The following CLEC9A variants were observed in gnomAD, a reference collection of about 807,000 sequenced individuals.
CLEC9A encodes C-type lectin domain family 9 member A.
CLEC9A carries 24 observed loss-of-function variants against 30.0 expected under a neutral mutation model. The observed-to-expected ratio is 0.80, with a 90% CI of 0.58 to 1.13. CLEC9A has a LOEUF of 1.13. CLEC9A is among the 50% of genes most tolerant of loss of function. The probability of loss-of-function intolerance (pLI) is 0.00; values close to 1 mark genes in which losing one functional copy is unlikely to be tolerated. For missense variants in CLEC9A, 251 were observed against 280.9 expected (o/e 0.89, Z 0.76); for synonymous variants, 111 against 96.8 (o/e 1.15, Z -0.86).
chr12:10,033,393 C>T (rs1865716813), intron 1 of CLEC9A, among the ~76,000 whole-genome samples: 2 of 151,918 alleles, frequency 1.3e-5, no homozygotes. Flanking sequence ...TGATAATGTC[C>T]AAAATTATAT....
chr12:10,040,583 G>T (rs750728835), intron 1 of CLEC9A, among the ~76,000 whole-genome samples: 8 of 150,986 alleles, frequency 5.3e-5, no homozygotes, highest in East Asian at 2.0e-4. Context: ...CCCGAGTAGC[G>T]GGGACTACAG....
chr12:10,064,783 G>A lies in CLEC9A; in HGVS notation c.523G>A (p.Val175Met), dbSNP rs752754958. The A allele has an allele frequency of 1.9e-6, 3 of 1,613,572 alleles. No individual in the cohort carries two copies. Among genetic ancestry groups the A allele is most frequent in the East Asian group, 4.5e-5 (2 of 44,854 alleles). The change falls in exon 8 of 9, where the codon GTG becomes ATG. Residue 175 changes from valine (V) to methionine (M), a missense_variant. By Grantham distance (21) the Val-to-Met change is conservative. Transcript: ENST00000355819. The stretch of plus-strand genomic sequence containing the variant: ...GATTAAAGGAAGCTATGATTACTGG[G>A]TGGGGTTGTCTCAGGATGGACACAG... ...RKIKGSYDYW[V>M]GLSQDGHSGR...
intron 2 of CLEC9A, among the ~76,000 whole-genome samples, chr12:10,043,480 A>G (rs1236992226): frequency 1.3e-5 from 2 of 152,040 alleles, no homozygotes; most frequent in African/African-American, 4.8e-5. Context: ...ACTTCAAACA[A>G]GAGAGCACTG....
intron 2 of CLEC9A, among the ~76,000 whole-genome samples, chr12:10,050,182 G>T (rs769923673): frequency 2.0e-5 from 3 of 151,926 alleles, no homozygotes; most frequent in African/African-American, 4.8e-5. Flanking sequence ...ATCTTATATG[G>T]GTATATAGTT....
At chr12:10,043,458 C>T (rs1865815161) in intron 2 of CLEC9A, 1 of 153,884 alleles carries the variant, frequency 6.5e-6, no homozygotes, top group South Asian at 2.0e-4. Context: ...GCAGCTGAGT[C>T]ACTTACTCCC....
chr12:10,049,896 A>C (rs1283008332), intron 2 of CLEC9A, among the ~76,000 whole-genome samples: 1 of 152,202 alleles, frequency 6.6e-6, no homozygotes, highest in Non-Finnish European at 1.5e-5. Context: ...TGTTTTACAT[A>C]ATAAGCCTAG....
rs557604722 is a variant in CLEC9A at position 10,049,686 on chromosome 12, GAA to G, written c.-162-2302_-162-2301del. Among the ~76,000 whole-genome samples, 535 of 152,250 alleles carry G rather than the reference GAA, an allele frequency of 3.5e-3. 8 individuals carry two copies. The highest frequency in any genetic ancestry group is 0.012 in the African/African-American group (505 of 41,540). ...TACCTCTCTCACTCATCACAGAATT[GAA>G]AAGAGTTAGGGCTTTGCTCTGAATT... On this transcript the variant is annotated intron_variant, in intron 2 of 8. Transcript: ENST00000355819.
intron 4 of CLEC9A, 110 bp from the exon 5 acceptor site, chr12:10,054,161 T>G (rs1040131356): frequency 1.2e-6 from 1 of 865,308 alleles, no homozygotes; most frequent in African/African-American, 1.7e-5. Flanking sequence ...CAACTCTCAG[T>G]AGAAATGCCA....
chr12:10,043,636 G>C (rs958385618), intron 2 of CLEC9A, among the ~76,000 whole-genome samples: 53 of 149,496 alleles, frequency 3.5e-4, no homozygotes, highest in African/African-American at 1.2e-3. Flanking sequence ...GTGTGTGTGT[G>C]TCTTTAAATT....
chr12:10,034,630 C>G (rs760087464), intron 1 of CLEC9A, among the ~76,000 whole-genome samples: 2 of 152,170 alleles, frequency 1.3e-5, no homozygotes, highest in Non-Finnish European at 2.9e-5. Context: ...GGGACTTCCA[C>G]AGTGATCAAT....
chr12:10,061,460 G>A (rs937967169), intron 6 of CLEC9A, among the ~76,000 whole-genome samples, 187 bp downstream of exon 6: 2 of 151,952 alleles, frequency 1.3e-5, no homozygotes, highest in South Asian at 4.2e-4. Context: ...AAACACTAGG[G>A]ATCCAAAAGA....
Position 10,043,155 on chromosome 12 carries a change from T to C in CLEC9A, c.-163+1535T>C, listed in dbSNP as rs74879841. ...GTCTTATCATAAAGCTTTGTCTTTA[T>C]GTCATTATCAACAGCTGTGGAGGGA... On this transcript the variant is annotated intron_variant, in intron 2 of 8. Transcript: ENST00000355819. 9.5e-3 allele frequency: 3,537 copies of C among 371,116 alleles called. 133 individuals carry two copies. The highest frequency in any genetic ancestry group is 0.071 in the African/African-American group (3,289 of 46,174). The allele number at this position is 371,116 out of a possible 1,614,324, so 23.0% of individuals were successfully genotyped here.
Position 10,063,210 on chromosome 12 carries a change from AAC to A in CLEC9A, c.471+7_471+8del, listed in dbSNP as rs2137315583. 1 of 1,587,104 alleles carries A rather than the reference AAC, an allele frequency of 6.3e-7. No individual in the cohort carries two copies. Among genetic ancestry groups the A allele is most frequent in the East Asian group, 2.3e-5 (1 of 43,402 alleles). On this transcript the variant is annotated splice_donor_5th_base_variant and intron_variant, in intron 7 of 8. Transcript: ENST00000355819. ...AATAGAGAGCAAAGAAGAAATGGTA[AAC>A]ACTGTTTTGTGGTCTCATGTTATTC... is the stretch of plus-strand genomic sequence containing the variant.
intron 1 of CLEC9A, among the ~76,000 whole-genome samples, chr12:10,032,919 T>G (rs1454757714): frequency 6.6e-6 from 1 of 152,150 alleles, no homozygotes; most frequent in Non-Finnish European, 1.5e-5. Context: ...ACAAAAATGT[T>G]CAAAAATCTC....
At chr12:10,041,701 A>C (rs552799901) in intron 2 of CLEC9A, 81 bp downstream of exon 2, 1 of 499,100 alleles carries the variant, frequency 2.0e-6, no homozygotes, top group South Asian at 1.4e-5. Context: ...TTTGTTTTTT[A>C]CATTTTTCTT....
At chr12:10,036,109 A>G (rs1391572879) in intron 1 of CLEC9A, among the ~76,000 whole-genome samples, 2 of 152,112 alleles carry the variant, frequency 1.3e-5, no homozygotes, top group Non-Finnish European at 2.9e-5. Context: ...TGGTATGCAA[A>G]TGCCTGATAA....
At chr12:10,043,145 T>C in intron 2 of CLEC9A, 1 of 345,518 alleles carries the variant, frequency 2.9e-6, no homozygotes. Context: ...ATCATAAAGC[T>C]TTGTCTTTAT....
chr12:10,040,536 C>T (rs956558100), intron 1 of CLEC9A, among the ~76,000 whole-genome samples: 93 of 151,510 alleles, frequency 6.1e-4, no homozygotes, highest in African/African-American at 2.1e-3. Flanking sequence ...CTGTAAGTTC[C>T]GCCTCCCAGG....
chr12:10,063,579 A>G (rs1189539500), intron 7 of CLEC9A, among the ~76,000 whole-genome samples: 1 of 152,248 alleles, frequency 6.6e-6, no homozygotes, highest in Admixed American at 6.5e-5. Flanking sequence ...AAATATAGTA[A>G]CCTATAATAA....
Sources: gnomAD v4.1 joint callset for allele counts (sites outside exome capture counted in the v4.1 genomes callset) on GRCh38, gnomAD v4.1.1 for gene constraint, MANE v1.5 for transcripts, NCBI Gene and HGNC (gene_info 2026-07-23, HGNC 2026-07-21) for gene names.